GRXCR1: variants seen among roughly 807,000 people sequenced by gnomAD.
The protein encoded by GRXCR1 is glutaredoxin and cysteine rich domain containing 1.
Under a neutral mutation model 27.3 loss-of-function variants are expected in GRXCR1, and 27 were observed. That is an observed-to-expected ratio of 0.99 (90% CI 0.73 to 1.37). The LOEUF is 1.37. Ranked by LOEUF, GRXCR1 falls within the 40% of genes most tolerant of loss-of-function variation. The probability of loss-of-function intolerance (pLI) is 0.00; values close to 1 mark genes in which losing one functional copy is unlikely to be tolerated. For missense variants in GRXCR1, 379 were observed against 354.4 expected (o/e 1.07, Z -0.56); for synonymous variants, 122 against 131.1 (o/e 0.93, Z 0.47).
At chr4:42,983,657 T>A (rs1232849693) in intron 2 of GRXCR1, among the ~76,000 whole-genome samples, 3 of 152,122 alleles carry the variant, frequency 2.0e-5, no homozygotes, top group Non-Finnish European at 4.4e-5. Flanking sequence ...AGTATGGCCA[T>A]TTTCACGATA....
intron 2 of GRXCR1, among the ~76,000 whole-genome samples, chr4:43,016,891 AT>A (rs1398935065): frequency 6.6e-6 from 1 of 151,968 alleles, no homozygotes; most frequent in Non-Finnish European, 1.5e-5. Flanking sequence ...TTCCTTGGTG[AT>A]TCATAGATAA....
intron 2 of GRXCR1, among the ~76,000 whole-genome samples, chr4:42,981,798 T>C (rs1748676417): frequency 6.6e-6 from 1 of 152,226 alleles, no homozygotes; most frequent in Non-Finnish European, 1.5e-5. Context: ...AATCTGCTGC[T>C]AGCCATGTTG....
At chr4:42,925,731 G>T (rs1156274752) in intron 1 of GRXCR1, among the ~76,000 whole-genome samples, 1 of 151,990 alleles carries the variant, frequency 6.6e-6, no homozygotes, top group African/African-American at 2.4e-5. Flanking sequence ...TAATGAGCTG[G>T]AAAGATAGAG....
At chr4:43,017,512 C>T (rs984773854) in intron 2 of GRXCR1, among the ~76,000 whole-genome samples, 7 of 152,152 alleles carry the variant, frequency 4.6e-5, no homozygotes, top group East Asian at 3.9e-4. Flanking sequence ...ATGCTTACTT[C>T]GCACCAATGC....
At chr4:42,988,238 C>T (rs1711843593) in intron 2 of GRXCR1, among the ~76,000 whole-genome samples, 1 of 152,144 alleles carries the variant, frequency 6.6e-6, no homozygotes, top group Non-Finnish European at 1.5e-5. Context: ...ATAGGCAAGA[C>T]CTATATTTTC....
chr4:42,954,862 T>TAAA (rs1747962192), intron 1 of GRXCR1, among the ~76,000 whole-genome samples: 5 of 152,088 alleles, frequency 3.3e-5, no homozygotes, highest in Non-Finnish European at 5.9e-5. Flanking sequence ...GTGGATAAAG[T>TAAA]TTATTTACAA....
rs769983282 is a variant in GRXCR1, at chr4:42,893,345, C to A, written c.79C>A (p.Arg27=). 3 of 1,613,542 alleles carry A rather than the reference C, an allele frequency of 1.9e-6. No individual in the cohort carries two copies. Among genetic ancestry groups the A allele is most frequent in the Admixed American group, 1.7e-5 (1 of 59,948 alleles). The change falls in exon 1 of 4, where the codon CGA becomes AGA. Residue 27 remains arginine (R), a synonymous_variant. Coordinates refer to ENST00000399770, the MANE Select transcript of GRXCR1 (RefSeq NM_001080476.3). ...RFRIASSHSG[R]VLKEVYEDGQ... is the part of the protein sequence containing the mutation. ...TCGGATCGCGTCCTCTCACAGTGGG[C>A]GAGTTCTGAAGGAAGTGTATGAAGA...
At chr4:42,967,541 C>A (rs938548034) in intron 2 of GRXCR1, among the ~76,000 whole-genome samples, 1 of 152,070 alleles carries the variant, frequency 6.6e-6, no homozygotes, top group East Asian at 1.9e-4. Context: ...ACCGTTTCAA[C>A]CTACTTATCT....
chr4:42,993,453 GT>G (rs1471681532), intron 2 of GRXCR1, among the ~76,000 whole-genome samples: 1 of 151,868 alleles, frequency 6.6e-6, no homozygotes, highest in Non-Finnish European at 1.5e-5. Flanking sequence ...TTGGAATGGG[GT>G]TATGTCTCGG....
At chr4:43,003,206 A>G (rs571285926) in intron 2 of GRXCR1, among the ~76,000 whole-genome samples, 6 of 152,324 alleles carry the variant, frequency 3.9e-5, no homozygotes, top group Middle Eastern at 3.4e-3. Flanking sequence ...GTAGTTCTTT[A>G]TAGAAGTGTG....
chr4:43,021,270 A>G (rs193006617), intron 3 of GRXCR1, among the ~76,000 whole-genome samples: 1 of 152,164 alleles, frequency 6.6e-6, no homozygotes, highest in Non-Finnish European at 1.5e-5. Context: ...CTAGAATGAT[A>G]TTGTTCCAAT....
At chr4:42,979,328 T>C (rs768314572) in intron 2 of GRXCR1, among the ~76,000 whole-genome samples, 5 of 152,090 alleles carry the variant, frequency 3.3e-5, no homozygotes, top group Admixed American at 6.6e-5. Context: ...GTTTGTGATA[T>C]ACGGCCTTTA....
At position 43,030,435 on chromosome 4, in the gene GRXCR1, CA is replaced by C; in HGVS notation, c.770del (p.Lys257ArgfsTer16). ...FLPCSVCHGS[K>X]MSMFRNCFTD... ...TTCCATGCTCCGTGTGCCATGGGAG[CA>C]AGATGTCCATGTTTCGAAACTGCTT... On this transcript the variant is annotated frameshift_variant, in exon 4 of 4. Coordinates refer to ENST00000399770, the MANE Select transcript of GRXCR1 (RefSeq NM_001080476.3). LOFTEE classifies it high-confidence loss of function. The C allele has an allele frequency of 6.2e-7, 1 of 1,613,962 alleles. No homozygotes were observed. Among genetic ancestry groups the C allele is most frequent in the Non-Finnish European group, 8.5e-7 (1 of 1,179,910 alleles).
chr4:42,948,383 C>A (rs1747797159), intron 1 of GRXCR1, among the ~76,000 whole-genome samples: 1 of 152,080 alleles, frequency 6.6e-6, no homozygotes, highest in Non-Finnish European at 1.5e-5. Flanking sequence ...TCTTCAGTAG[C>A]ATCTTGGAGA....
At chr4:42,952,257 G>T (rs1440724898) in intron 1 of GRXCR1, among the ~76,000 whole-genome samples, 1 of 152,132 alleles carries the variant, frequency 6.6e-6, no homozygotes, top group African/African-American at 2.4e-5. Flanking sequence ...TCAGTTAGTT[G>T]TTGGTTATAA....
rs60704333 is a variant in GRXCR1, at chr4:43,024,197, C to CTTTTTTTTTTTTTTTT, written c.693+3779_693+3794dup. On this transcript the variant is annotated intron_variant, in intron 3 of 3. Transcript: ENST00000399770. Reference sequence around the variant, plus strand: ...GCCAACATAGTGTCCATTTTCTGTCCTTTTTTTTTTTTTTTTGGTAAAGCT... The same window carrying CTTTTTTTTTTTTTTTT: ...GCCAACATAGTGTCCATTTTCTGTCCTTTTTTTTTTTTTTTTTTTTTTTTTTTTTTTTGGTAAAGCT... Among the ~76,000 whole-genome samples, 3 of 94,264 alleles carry CTTTTTTTTTTTTTTTT rather than the reference C, an allele frequency of 3.2e-5. 1 individual carries two copies. Among genetic ancestry groups the CTTTTTTTTTTTTTTTT allele is most frequent in the African/African-American group, 4.4e-5 (1 of 22,686 alleles). 61.8% of individuals were successfully genotyped at this position (94,264 alleles called of 152,430 possible). A position where few individuals can be genotyped will look rare whatever the true frequency, so the allele number is the denominator to read the frequency against.
rs562864862 is a variant in GRXCR1 at position 42,946,066 on chromosome 4, G to T, written c.385-16826G>T. On this transcript the variant is annotated intron_variant, in intron 1 of 3. Coordinates refer to ENST00000399770, the MANE Select transcript of GRXCR1 (RefSeq NM_001080476.3). ...TTGGCTGCTGTGCAACACTCAGCCT[G>T]AAGCTTTTGGCCTGGCAATGTAGTT... Among the ~76,000 whole-genome samples the T allele has an allele frequency of 3.3e-5, 5 of 152,260 alleles. No homozygotes were observed. In the South Asian group the frequency reaches 1.0e-3, roughly 32 times the overall value.
chr4:42,927,703 T>A (rs1747194138), intron 1 of GRXCR1, among the ~76,000 whole-genome samples: 1 of 151,936 alleles, frequency 6.6e-6, no homozygotes, highest in Non-Finnish European at 1.5e-5. Flanking sequence ...TGCTAAGATC[T>A]TTTGGAAACC....
At chr4:42,903,738 C>T (rs1345816525) in intron 1 of GRXCR1, among the ~76,000 whole-genome samples, 1 of 131,860 alleles carries the variant, frequency 7.6e-6, no homozygotes, top group Non-Finnish European at 1.6e-5. Context: ...GCTTCAGCTA[C>T]TCAATTACAA....
Sources: allele counts gnomAD v4.1 joint callset (sites outside exome capture counted in the v4.1 genomes callset), GRCh38; gene constraint gnomAD v4.1.1; transcripts MANE v1.5; gene names NCBI Gene and HGNC (gene_info 2026-07-23, HGNC 2026-07-21).